Variants in RPS6KA2 observed in about 807,000 individuals in gnomAD.
The protein encoded by RPS6KA2 is ribosomal protein S6 kinase A2.
Under a neutral mutation model 91.8 loss-of-function variants are expected in RPS6KA2, and 42 were observed. That is an observed-to-expected ratio of 0.46 (90% CI 0.36 to 0.59). The LOEUF (loss-of-function observed/expected upper bound fraction) is 0.59, where lower values mean the gene tolerates loss of function less well. Ranked by LOEUF, RPS6KA2 falls within the 20% of genes least tolerant of loss-of-function variation. RPS6KA2 has a pLI of 0.00. For missense variants in RPS6KA2, 798 were observed against 978.5 expected (o/e 0.82, Z 2.46); for synonymous variants, 414 against 393.6 (o/e 1.05, Z -0.61).
At chr6:166,559,342 T>C (rs1228207058) in intron 1 of RPS6KA2, among the ~76,000 whole-genome samples, 3 of 152,198 alleles carry the variant, frequency 2.0e-5, no homozygotes, top group Non-Finnish European at 2.9e-5. Flanking sequence ...ATGGGTAGGA[T>C]GCATGACATA....
chr6:166,510,221 G>T, intron 4 of RPS6KA2, 56 bp downstream of exon 4: 3 of 1,049,038 alleles, frequency 2.9e-6, no homozygotes, highest in South Asian at 2.7e-5. Context: ...AATTTTCTTT[G>T]ATCTGGAGAA....
rs1168839826 is a variant in RPS6KA2 at position 166,494,799 on chromosome 6, C to T, written c.747+3709G>A. On this transcript the variant is annotated intron_variant, in intron 8 of 20. Transcript: ENST00000265678. The surrounding 1 kb of genome is among the most constrained non-coding windows in gnomAD (Gnocchi z 5.1). ...AGAGATCCCAGCACACATCCACCTC[C>T]AGGGGACGGACGGCCACCCACACAT... is the stretch of plus-strand genomic sequence containing the variant. Among the ~76,000 whole-genome samples the T allele has an allele frequency of 3.3e-5, 5 of 152,192 alleles. No individual in the cohort carries two copies. The highest frequency in any genetic ancestry group is 3.3e-4 in the Admixed American group (5 of 15,286).
At position 166,418,424 on chromosome 6, in the gene RPS6KA2, G is replaced by T; in HGVS notation, c.1821-82C>A. 1 of 1,023,796 alleles carries T rather than the reference G, an allele frequency of 9.8e-7. No homozygotes were observed. Among genetic ancestry groups the T allele is most frequent in the Admixed American group, 1.9e-5 (1 of 53,830 alleles). 63.4% of individuals were successfully genotyped at this position (1,023,796 alleles called of 1,614,324 possible). On this transcript the variant is annotated intron_variant, in intron 18 of 20. Transcript: ENST00000265678. This position sits in a 1 kb window ranked among gnomAD's most constrained non-coding sequence, Gnocchi z 4.9. ...GTTTGCAAGTTGATATCACCCCTTG[G>T]CTGTTCAAAGGAATAGCACTTTGCT...
chr6:166,510,247 T>A, intron 4 of RPS6KA2, 30 bp downstream of exon 4: 1 of 1,409,444 alleles, frequency 7.1e-7, no homozygotes, highest in Non-Finnish European at 1.0e-6. Flanking sequence ...CCCTGGGTCC[T>A]CTTTAAAGTG....
chr6:166,702,982 A>T, intron 2 of RPS6KA2: 1 of 533,906 alleles, frequency 1.9e-6, no homozygotes, highest in Non-Finnish European at 3.3e-6. Flanking sequence ...CAAGCACAAG[A>T]ACGAGGAGCA....
chr6:166,736,036 C>G (rs553214372), intron 2 of RPS6KA2, among the ~76,000 whole-genome samples: 1 of 152,352 alleles, frequency 6.6e-6, no homozygotes, highest in Non-Finnish European at 1.5e-5. Flanking sequence ...CTGGAACAGT[C>G]AGACCCCTCG....
chr6:166,856,266 T>G (rs1229755948), intron 2 of RPS6KA2, among the ~76,000 whole-genome samples: 2 of 152,070 alleles, frequency 1.3e-5, no homozygotes, highest in African/African-American at 2.4e-5. Flanking sequence ...AGGGTGGACT[T>G]CTCATGAATG....
intron 3 of RPS6KA2, among the ~76,000 whole-genome samples, chr6:166,529,939 C>T (rs542257673): frequency 6.6e-5 from 10 of 152,336 alleles, no homozygotes; most frequent in South Asian, 2.1e-4. Context: ...AGAAGTCCCA[C>T]GGACCTTCTA....
rs6923965 is a variant in RPS6KA2, at chr6:166,498,669, C to T, written c.605-19G>A. The T allele has an allele frequency of 0.1, 166,477 of 1,612,256 alleles. 14,330 individuals carry two copies. The highest frequency in any genetic ancestry group is 0.45 in the African/African-American group (33,695 of 74,760). Reference sequence around the variant, plus strand: ...CCGAAATCTACATGCAAACACAGCACACACACTGCCTCAGTCTCTGGGTGT... The same window carrying T: ...CCGAAATCTACATGCAAACACAGCATACACACTGCCTCAGTCTCTGGGTGT... On this transcript the variant is annotated intron_variant, in intron 7 of 20. Coordinates refer to ENST00000265678, the MANE Select transcript of RPS6KA2 (RefSeq NM_021135.6).
At chr6:166,714,228 CAG>C (rs1317928263) in intron 2 of RPS6KA2, among the ~76,000 whole-genome samples, 2 of 152,218 alleles carry the variant, frequency 1.3e-5, no homozygotes, top group Non-Finnish European at 2.9e-5. Context: ...GTTTGAAACA[CAG>C]AACACATTCT....
chr6:166,691,459 A>G (rs1789205084), intron 2 of RPS6KA2, among the ~76,000 whole-genome samples: 1 of 152,058 alleles, frequency 6.6e-6, no homozygotes, highest in Non-Finnish European at 1.5e-5. Context: ...TTCCCCGCCA[A>G]GCTCTCTGTT....
upstream of RPS6KA2, among the ~76,000 whole-genome samples, chr6:166,630,209 C>A (rs1787030525): frequency 1.3e-5 from 2 of 152,222 alleles, no homozygotes; most frequent in Non-Finnish European, 2.9e-5. Flanking sequence ...GCTACACAGG[C>A]ACCTTGTGGG....
In RPS6KA2 at chr6:166,409,602, C is replaced by G. The variant is rs1230932946; in HGVS notation, c.*3160G>C. On this transcript the variant is annotated 3_prime_UTR_variant, in exon 21 of 21. Coordinates refer to ENST00000265678, the MANE Select transcript of RPS6KA2 (RefSeq NM_021135.6). The stretch of plus-strand genomic sequence containing the variant: ...CAGTAGAACGACACAGATGCTGCAG[C>G]CTCCGTCCTCAGCCCCTCAAGCTGC... 6.6e-6 allele frequency: 1 copy of G among 152,444 alleles called. No individual in the cohort carries two copies. The highest frequency in any genetic ancestry group is 2.4e-5 in the African/African-American group (1 of 41,454). 9.4% of individuals were successfully genotyped at this position (152,444 alleles called of 1,614,324 possible). A position where few individuals can be genotyped will look rare whatever the true frequency, so the allele number is the denominator to read the frequency against.
chr6:166,596,863 C>T (rs1179215364), intron 1 of RPS6KA2, among the ~76,000 whole-genome samples: 3 of 152,122 alleles, frequency 2.0e-5, no homozygotes, highest in Admixed American at 1.3e-4. Context: ...GGGTTTCCAC[C>T]ACTGAAATCT....
At chr6:166,429,741 G>A (rs1779057364) in intron 16 of RPS6KA2, among the ~76,000 whole-genome samples, 1 of 152,154 alleles carries the variant, frequency 6.6e-6, no homozygotes, top group African/African-American at 2.4e-5. Flanking sequence ...ATGAGCCACT[G>A]CATCCAGCAA....
chr6:166,675,254 T>G (rs1788584947), intron 2 of RPS6KA2, among the ~76,000 whole-genome samples: 2 of 152,118 alleles, frequency 1.3e-5, no homozygotes, highest in African/African-American at 4.8e-5. Flanking sequence ...CATATCATCT[T>G]CATGCCTGGG....
At chr6:166,802,690 T>A (rs1352147081) in intron 2 of RPS6KA2, among the ~76,000 whole-genome samples, 1 of 152,196 alleles carries the variant, frequency 6.6e-6, no homozygotes, top group Non-Finnish European at 1.5e-5. Flanking sequence ...CCAGTTGATC[T>A]GTCCAGGTGC....
chr6:166,633,578 C>T (rs1753524391), intron 2 of RPS6KA2, among the ~76,000 whole-genome samples: 1 of 152,162 alleles, frequency 6.6e-6, no homozygotes, highest in Non-Finnish European at 1.5e-5. Flanking sequence ...GCAAGGCATT[C>T]GTTATTCACT....
intron 1 of RPS6KA2, among the ~76,000 whole-genome samples, chr6:166,545,902 A>G (rs1038048785): frequency 6.6e-6 from 1 of 152,194 alleles, no homozygotes; most frequent in African/African-American, 2.4e-5. Flanking sequence ...AAAGACGTGC[A>G]AAGAGTGGAG....
Sources: gnomAD v4.1 joint callset for allele counts (sites outside exome capture counted in the v4.1 genomes callset) on GRCh38, gnomAD v4.1.1 for gene constraint, Gnocchi (gnomAD v3.1) non-coding constraint, MANE v1.5 for transcripts, NCBI Gene and HGNC (gene_info 2026-07-23, HGNC 2026-07-21) for gene names.